MDGA2: variants seen among roughly 807,000 people sequenced by gnomAD.
MDGA2 encodes the protein MAM domain-containing glycosylphosphatidylinositol anchor protein 2.
A neutral mutation model predicts 117.8 loss-of-function variants in MDGA2; 40 were observed. The observed-to-expected ratio is 0.34, with a 90% CI of 0.26 to 0.44. MDGA2 has a LOEUF of 0.44. MDGA2 is among the 20% of genes least tolerant of loss of function. MDGA2 has a pLI of 1.00. For synonymous variants in MDGA2, 452 were observed against 439.0 expected, an observed-to-expected ratio of 1.03 and a Z score of -0.37; for missense variants, 1,123 against 1,250.6, an observed-to-expected ratio of 0.90 and a Z score of 1.54.
chr14:47,042,312 G>GT (rs748830079), intron 7 of MDGA2, among the ~76,000 whole-genome samples: 2,368 of 129,276 alleles, frequency 0.018, 34 homozygotes, highest in African/African-American at 0.056. Context: ...CCAAATCTAT[G>GT]TTTTTTTTTT....
intron 9 of MDGA2, among the ~76,000 whole-genome samples, chr14:46,937,249 C>A (rs1595056047): frequency 1.1e-5 from 1 of 90,160 alleles, no homozygotes; most frequent in African/African-American, 4.4e-5. Flanking sequence ...ACAAATTTAA[C>A]AAAGGAAGTA....
At chr14:47,539,532 C>T (rs532004088) in intron 1 of MDGA2, among the ~76,000 whole-genome samples, 119 of 152,252 alleles carry the variant, frequency 7.8e-4, no homozygotes, top group Non-Finnish European at 1.5e-3. Flanking sequence ...GGAATTTGTA[C>T]TCAACAAGCA....
rs10139257 is a variant in MDGA2 at position 47,568,692 on chromosome 14, C to A, written c.280+105825G>T. Among the ~76,000 whole-genome samples the A allele has an allele frequency of 5.8e-3, 881 of 152,282 alleles. 6 individuals are homozygous for A. The highest frequency in any genetic ancestry group is 0.01 in the Non-Finnish European group (680 of 67,998). On this transcript the variant is annotated intron_variant, in intron 1 of 16. Transcript: ENST00000399232. ...TTTGTAGATTGGTAAAATTATCTTT[C>A]TGCCAATCGTTATAGTCTATAAAAA... is the stretch of plus-strand genomic sequence containing the variant.
At chr14:47,226,172 T>C (rs1311321730) in intron 2 of MDGA2, among the ~76,000 whole-genome samples, 1 of 151,012 alleles carries the variant, frequency 6.6e-6, no homozygotes, top group African/African-American at 2.4e-5. Flanking sequence ...TGAGTTATGA[T>C]GGCACCACTC....
intron 8 of MDGA2, among the ~76,000 whole-genome samples, chr14:47,031,251 C>T (rs2138630729): frequency 6.6e-6 from 1 of 150,952 alleles, no homozygotes; most frequent in African/African-American, 2.4e-5. Context: ...CACACTATTT[C>T]CTTTTAGGGA....
chr14:47,131,828 T>C lies in MDGA2; in HGVS notation c.811A>G (p.Lys271Glu), dbSNP rs773955581. 1 of 1,582,342 alleles carries C rather than the reference T, an allele frequency of 6.3e-7. No individual in the cohort carries two copies. The highest frequency in any genetic ancestry group is 8.6e-7 in the Non-Finnish European group (1 of 1,157,000). Residue 271 changes from lysine (K) to glutamate (E), a missense_variant, in exon 5 of 17, where the codon AAA becomes GAA. Around this residue, in one of 2 missense-constraint regions of MDGA2, gnomAD observed 890 missense variants for 1,050.3 expected, o/e 0.85. Transcript: ENST00000399232. ...FFTQGETKIL[K>E]LKNLRPQDYA... ...TCCTGAGGTCGAAGATTCTTTAGTT[T>C]TAAGATCTTTGTTTCACCCTGAAAA...
chr14:47,509,328 A>C (rs1894589163), intron 1 of MDGA2, among the ~76,000 whole-genome samples: 1 of 152,242 alleles, frequency 6.6e-6, no homozygotes, highest in Admixed American at 6.5e-5. Context: ...CAATGAGTTA[A>C]AAAATGAGTT....
At chr14:47,054,662 C>T (rs947886387) in intron 7 of MDGA2, among the ~76,000 whole-genome samples, 6 of 151,672 alleles carry the variant, frequency 4.0e-5, no homozygotes, top group South Asian at 2.1e-4. Context: ...GAGATATAGA[C>T]CAATGGAACA....
chr14:47,149,509 T>C (rs764295653), intron 3 of MDGA2, among the ~76,000 whole-genome samples: 14 of 152,186 alleles, frequency 9.2e-5, no homozygotes, highest in African/African-American at 1.7e-4. Flanking sequence ...CATCAGCACA[T>C]TCTTACTGCT....
chr14:47,343,959 C>T (rs1210225017), intron 1 of MDGA2, among the ~76,000 whole-genome samples: 2 of 152,122 alleles, frequency 1.3e-5, no homozygotes, highest in Non-Finnish European at 2.9e-5. Context: ...CTGATTTATC[C>T]TGACTCTTGG....
Position 47,144,199 on chromosome 14 carries a change from A to T in MDGA2, c.671T>A (p.Val224Glu). 1 of 1,551,358 alleles carries T rather than the reference A, an allele frequency of 6.4e-7. No homozygotes were observed. Among genetic ancestry groups the T allele is most frequent in the Non-Finnish European group, 8.7e-7 (1 of 1,146,752 alleles). Reference protein sequence around the residue: ...AKEQFYYERTVFLRCVANSNP... With the variant: ...AKEQFYYERTEFLRCVANSNP... ...GGAATTGGCAACACACCGGAGGAAC[A>T]CTGTTCTCTCATAGTAAAATTGTTC... is the stretch of plus-strand genomic sequence containing the variant. The change falls in exon 4 of 17, where the codon GTG (valine) becomes GAG (glutamate). Residue 224 changes from valine to glutamate, a missense_variant. Val to Glu is a moderately radical substitution (Grantham distance 121). This residue lies in a region of MDGA2 where 890 missense variants were observed against 1,050.3 expected (regional missense o/e 0.85). Coordinates refer to ENST00000399232, the MANE Select transcript of MDGA2 (RefSeq NM_001113498.3).
intron 3 of MDGA2, among the ~76,000 whole-genome samples, chr14:47,165,933 T>G (rs1883852760): frequency 6.6e-6 from 1 of 152,100 alleles, no homozygotes; most frequent in African/African-American, 2.4e-5. Flanking sequence ...AAAGAATTAG[T>G]GGCTAAATAT....
chr14:47,469,466 C>T (rs1249098272), intron 1 of MDGA2, among the ~76,000 whole-genome samples: 2 of 152,054 alleles, frequency 1.3e-5, no homozygotes, highest in African/African-American at 2.4e-5. Flanking sequence ...CATCCATGTC[C>T]GTACAAAGGA....
chr14:47,246,443 A>G (rs906839931), intron 2 of MDGA2, among the ~76,000 whole-genome samples: 4 of 151,816 alleles, frequency 2.6e-5, no homozygotes, highest in African/African-American at 9.7e-5. Flanking sequence ...CAATTTCCCA[A>G]ACTCCTTTCA....
intron 1 of MDGA2, among the ~76,000 whole-genome samples, chr14:47,623,619 T>C (rs539194959): frequency 1.3e-5 from 2 of 152,322 alleles, no homozygotes; most frequent in Admixed American, 6.5e-5. Context: ...TGCTTTCCCA[T>C]TCATCATAAA....
intron 2 of MDGA2, among the ~76,000 whole-genome samples, chr14:47,220,332 C>T (rs1026532556): frequency 6.6e-6 from 1 of 152,174 alleles, no homozygotes; most frequent in Non-Finnish European, 1.5e-5. Flanking sequence ...TGTAATGTCA[C>T]AGAGCCCAGT....
At chr14:46,906,453 T>C (rs1883496130) in intron 10 of MDGA2, among the ~76,000 whole-genome samples, 2 of 152,202 alleles carry the variant, frequency 1.3e-5, no homozygotes, top group Admixed American at 6.5e-5. Context: ...TGGATATTGA[T>C]AGAAACACTG....
intron 2 of MDGA2, among the ~76,000 whole-genome samples, chr14:47,267,447 G>T (rs1475343236): frequency 1.3e-5 from 2 of 151,878 alleles, no homozygotes; most frequent in Non-Finnish European, 2.9e-5. Flanking sequence ...ATTTAATTTT[G>T]TCCATATCCA....
At chr14:47,338,729 T>C (rs530989348) in intron 1 of MDGA2, among the ~76,000 whole-genome samples, 1 of 152,050 alleles carries the variant, frequency 6.6e-6, no homozygotes, top group South Asian at 2.1e-4. Context: ...ATAAAAGGTA[T>C]CTATAGATTC....
Sources: allele counts gnomAD v4.1 joint callset (sites outside exome capture counted in the v4.1 genomes callset), GRCh38; gene constraint gnomAD v4.1.1; regional missense constraint gnomAD v4.1.1; transcripts MANE v1.5; gene names NCBI Gene and HGNC (gene_info 2026-07-23, HGNC 2026-07-21).